The following GRIK2 variants were observed in gnomAD, a reference collection of about 807,000 sequenced individuals.
GRIK2 encodes glutamate ionotropic receptor kainate type subunit 2.
GRIK2 carries 32 observed loss-of-function variants against 100.3 expected under a neutral mutation model. The ratio of observed to expected loss-of-function variants is 0.32; its 90% CI spans 0.24 to 0.43. The LOEUF is 0.43. GRIK2 is among the 20% of genes least tolerant of loss of function. GRIK2 has a pLI of 1.00. For synonymous variants in GRIK2, 417 were observed against 389.4 expected, an observed-to-expected ratio of 1.07 and a Z score of -0.83; for missense variants, 843 against 1,114.9, an observed-to-expected ratio of 0.76 and a Z score of 3.47.
At chr6:101,976,532 TA>T (rs1188341762) in intron 14 of GRIK2, among the ~76,000 whole-genome samples, 2 of 151,850 alleles carry the variant, frequency 1.3e-5, no homozygotes, top group African/African-American at 4.8e-5. Flanking sequence ...CGTGTCTCTA[TA>T]AAAATATTAG....
intron 7 of GRIK2, among the ~76,000 whole-genome samples, chr6:101,768,448 C>T (rs1562370893): frequency 6.6e-6 from 1 of 152,144 alleles, no homozygotes; most frequent in African/African-American, 2.4e-5. Flanking sequence ...CATCATTATT[C>T]ATCTGTGTCT....
At chr6:101,695,073 G>T (rs116733439) in intron 7 of GRIK2, among the ~76,000 whole-genome samples, 1,920 of 151,172 alleles carry the variant, frequency 0.013, 42 homozygotes, top group African/African-American at 0.044. Flanking sequence ...ATCTTAATAC[G>T]TTTGTGCTGC....
intron 11 of GRIK2, among the ~76,000 whole-genome samples, chr6:101,883,516 C>T (rs1445293349): frequency 6.6e-6 from 1 of 151,948 alleles, no homozygotes; most frequent in African/African-American, 2.4e-5. Flanking sequence ...TGACAAGTGA[C>T]AATGTCTGTT....
intron 2 of GRIK2, among the ~76,000 whole-genome samples, chr6:101,404,701 G>T (rs79458902): frequency 0.013 from 1,917 of 152,302 alleles, 58 homozygotes; most frequent in African/African-American, 0.044. Context: ...TGAAATTTAA[G>T]TGTTGATTGT....
intron 14 of GRIK2, among the ~76,000 whole-genome samples, chr6:101,943,546 G>A (rs1157599729): frequency 6.6e-6 from 1 of 152,210 alleles, no homozygotes; most frequent in Non-Finnish European, 1.5e-5. Context: ...AGCCACAGAA[G>A]CAAAGCTGCC....
intron 15 of GRIK2, among the ~76,000 whole-genome samples, chr6:102,046,682 A>ATTAAACTATT (rs1416888997): frequency 3.3e-5 from 5 of 152,126 alleles, no homozygotes; most frequent in Non-Finnish European, 7.3e-5. Flanking sequence ...CAGTGTGCAA[A>ATTAAACTATT]TGGACTATTA....
chr6:101,564,525 CAA>C (rs1415692393), intron 2 of GRIK2, among the ~76,000 whole-genome samples: 2 of 152,140 alleles, frequency 1.3e-5, no homozygotes, highest in Non-Finnish European at 2.9e-5. Flanking sequence ...GTATGTCTAG[CAA>C]AGACACCAGG....
At chr6:101,884,868 A>T (rs1786505481) in intron 11 of GRIK2, among the ~76,000 whole-genome samples, 1 of 152,152 alleles carries the variant, frequency 6.6e-6, no homozygotes, top group Admixed American at 6.6e-5. Flanking sequence ...TAGGTTCATT[A>T]TGATCACAAA....
intron 14 of GRIK2, among the ~76,000 whole-genome samples, chr6:101,997,789 A>C (rs889365263): frequency 6.6e-6 from 1 of 152,036 alleles, no homozygotes. Flanking sequence ...TTTACTAAAA[A>C]TTTTAGTAGG....
intron 14 of GRIK2, among the ~76,000 whole-genome samples, chr6:101,974,478 A>C (rs1283690990): frequency 1.3e-5 from 2 of 152,070 alleles, no homozygotes; most frequent in Non-Finnish European, 2.9e-5. Flanking sequence ...CAGAACATAC[A>C]CACACATAAA....
intron 2 of GRIK2, among the ~76,000 whole-genome samples, chr6:101,452,788 C>G (rs1305947579): frequency 6.6e-6 from 1 of 151,776 alleles, no homozygotes; most frequent in East Asian, 1.9e-4. Flanking sequence ...TATTACATTT[C>G]TAAAGTACAC....
intron 4 of GRIK2, among the ~76,000 whole-genome samples, chr6:101,641,533 C>G (rs1226894390): frequency 1.3e-5 from 2 of 151,618 alleles, no homozygotes; most frequent in Non-Finnish European, 2.9e-5. Context: ...AAATGATGAG[C>G]TTTTTTTTCT....
At chr6:101,952,005 C>T (rs948973401) in intron 14 of GRIK2, among the ~76,000 whole-genome samples, 3 of 152,216 alleles carry the variant, frequency 2.0e-5, no homozygotes, top group African/African-American at 7.2e-5. Flanking sequence ...AGACAGGTAA[C>T]ATTTCCGTCA....
At chr6:101,463,340 G>T (rs1231255096) in intron 2 of GRIK2, among the ~76,000 whole-genome samples, 3 of 152,088 alleles carry the variant, frequency 2.0e-5, no homozygotes, top group African/African-American at 4.8e-5. Flanking sequence ...GATTGCAATG[G>T]TTGTTATTAT....
chr6:101,459,881 A>C (rs1420483204), intron 2 of GRIK2, among the ~76,000 whole-genome samples: 2 of 151,382 alleles, frequency 1.3e-5, no homozygotes, highest in Non-Finnish European at 2.9e-5. Context: ...TCAGCTTCTC[A>C]AGTAGCTGGG....
At chr6:101,449,226 C>T (rs921411818) in intron 2 of GRIK2, among the ~76,000 whole-genome samples, 6 of 151,648 alleles carry the variant, frequency 4.0e-5, no homozygotes, top group African/African-American at 1.4e-4. Flanking sequence ...AAATATTTAA[C>T]TGCCAAAATA....
At chr6:102,025,705 C>T (rs2114384487) in intron 14 of GRIK2, among the ~76,000 whole-genome samples, 1 of 151,274 alleles carries the variant, frequency 6.6e-6, no homozygotes, top group South Asian at 2.1e-4. Context: ...TCTCAGTGTA[C>T]TTGTAATGCA....
chr6:101,930,611 A>G (rs1790207152), intron 14 of GRIK2, among the ~76,000 whole-genome samples: 2 of 152,074 alleles, frequency 1.3e-5, no homozygotes, highest in Non-Finnish European at 2.9e-5. Flanking sequence ...ATTTTGTTTT[A>G]AAGTTCAAAT....
intron 14 of GRIK2, among the ~76,000 whole-genome samples, chr6:101,988,026 G>C (rs1005226398): frequency 1.3e-5 from 2 of 150,774 alleles, no homozygotes; most frequent in African/African-American, 2.4e-5. Context: ...TTCTCCTTCA[G>C]CTACTGCTTC....
Sources: allele counts gnomAD v4.1 joint callset (sites outside exome capture counted in the v4.1 genomes callset), GRCh38; gene constraint gnomAD v4.1.1; transcripts MANE v1.5; gene names NCBI Gene and HGNC (gene_info 2026-07-23, HGNC 2026-07-21).